MLLT10: variants seen among roughly 807,000 people sequenced by gnomAD.
MLLT10 encodes MLLT10 histone lysine methyltransferase DOT1L cofactor.
A neutral mutation model predicts 129.1 loss-of-function variants in MLLT10; 30 were observed. That is an observed-to-expected ratio of 0.23 (90% CI 0.17 to 0.32). The LOEUF (loss-of-function observed/expected upper bound fraction) is 0.32. MLLT10 is among the 10% of genes least tolerant of loss of function. The probability of loss-of-function intolerance (pLI) is 1.00; values close to 1 mark genes in which losing one functional copy is unlikely to be tolerated. For synonymous variants in MLLT10, 490 were observed against 446.4 expected, an observed-to-expected ratio of 1.10 and a Z score of -1.23; for missense variants, 1,119 against 1,268.3, an observed-to-expected ratio of 0.88 and a Z score of 1.79.
At chr10:21,562,809 G>GTGT (rs2039000595) in intron 3 of MLLT10, among the ~76,000 whole-genome samples, 1 of 76,594 alleles carries the variant, frequency 1.3e-5, no homozygotes, top group East Asian at 3.4e-4. Flanking sequence ...CATATACTTT[G>GTGT]TTTTTTTTGT....
intron 3 of MLLT10, among the ~76,000 whole-genome samples, chr10:21,542,598 G>A (rs1162765460): frequency 6.6e-6 from 1 of 152,152 alleles, no homozygotes; most frequent in Non-Finnish European, 1.5e-5. Flanking sequence ...AGATGCTGCT[G>A]GGAGCAGTGG....
At chr10:21,539,981 G>T (rs929454983) in intron 3 of MLLT10, among the ~76,000 whole-genome samples, 4 of 151,822 alleles carry the variant, frequency 2.6e-5, no homozygotes, top group East Asian at 3.9e-4. Flanking sequence ...TAGGCCGGGT[G>T]CAGTGACTCA....
rs770077568 is a variant in MLLT10, at chr10:21,721,242, T to C, written c.1879-5002T>C. ...CTATATATAACCTGTTCCTGTATGA[T>C]TGAAGTATGAAGTTTCAGATCTATC... is the stretch of plus-strand genomic sequence containing the variant. On this transcript the variant is annotated intron_variant, in intron 14 of 22. Transcript: ENST00000307729. Among the ~76,000 whole-genome samples the C allele has an allele frequency of 6.6e-4, 101 of 152,196 alleles. 1 individual carries two copies. Among genetic ancestry groups the C allele is most frequent in the Non-Finnish European group, 8.8e-5 (6 of 68,018 alleles).
intron 16 of MLLT10, among the ~76,000 whole-genome samples, chr10:21,730,484 AC>A (rs1378784419): frequency 6.6e-6 from 1 of 152,146 alleles, no homozygotes; most frequent in Non-Finnish European, 1.5e-5. Context: ...ACAGTATTAT[AC>A]TTTTTCAGGT....
Position 21,706,504 on chromosome 10 carries a change from T to C in MLLT10, c.1700-7268T>C, listed in dbSNP as rs186969284. ...ACTATTTTCACACCATATTAACCTC[T>C]AGGAAAGAATAAGTCATTCAGTCTC... On this transcript the variant is annotated intron_variant, in intron 13 of 22. Transcript: ENST00000307729. Among the ~76,000 whole-genome samples the C allele has an allele frequency of 2.0e-3, 310 of 152,318 alleles. 5 individuals carry two copies. The highest frequency in any genetic ancestry group is 9.4e-4 in the Non-Finnish European group (64 of 68,020).
chr10:21,677,375 G>A (rs554523573), intron 11 of MLLT10, among the ~76,000 whole-genome samples: 1 of 152,310 alleles, frequency 6.6e-6, no homozygotes, highest in African/African-American at 2.4e-5. Flanking sequence ...AGGAGAAAAT[G>A]TATACAGTCA....
chr10:21,605,558 G>A lies in MLLT10; in HGVS notation c.406-6790G>A, dbSNP rs553480404. 1.4e-3 allele frequency among the ~76,000 whole-genome samples: 211 copies of A among 151,968 alleles called. 1 individual carries two copies. Among genetic ancestry groups the A allele is most frequent in the South Asian group, 2.5e-3 (12 of 4,804 alleles). ...CTCCCGGGTTCAAGTGATCCTCCCC[G>A]CTCAGCCTCGCAAGCAGCAGGGACT... is the stretch of plus-strand genomic sequence containing the variant. On this transcript the variant is annotated intron_variant, in intron 5 of 22. Coordinates refer to ENST00000307729, the MANE Select transcript of MLLT10 (RefSeq NM_001195626.3).
chr10:21,677,575 A>C (rs2052312679), intron 11 of MLLT10, among the ~76,000 whole-genome samples: 1 of 152,194 alleles, frequency 6.6e-6, no homozygotes, highest in Non-Finnish European at 1.5e-5. Flanking sequence ...CTATGCAAAT[A>C]GTTGTTATAC....
At chr10:21,559,088 T>A (rs963387901) in intron 3 of MLLT10, among the ~76,000 whole-genome samples, 8 of 152,282 alleles carry the variant, frequency 5.3e-5, no homozygotes, top group Admixed American at 2.6e-4. Context: ...AGAATGGACT[T>A]CTTCTTTCTT....
Position 21,742,349 on chromosome 10 carries a change from C to A in MLLT10, c.*366C>A, listed in dbSNP as rs1359366917. 4.0e-6 allele frequency: 1 copy of A among 249,554 alleles called. No homozygotes were observed. The highest frequency in any genetic ancestry group is 7.7e-6 in the Non-Finnish European group (1 of 129,982). The allele number at this position is 249,554 out of a possible 1,614,324, so 15.5% of individuals were successfully genotyped here. A position where few individuals can be genotyped will look rare whatever the true frequency, so the allele number is the denominator to read the frequency against. Reference sequence around the variant, plus strand: ...GAGATGCAAATAGCAAAACTAAATACTTGCTCCATTTACAAACTACTTGAT... The same window carrying A: ...GAGATGCAAATAGCAAAACTAAATAATTGCTCCATTTACAAACTACTTGAT... On this transcript the variant is annotated 3_prime_UTR_variant, in exon 23 of 23. Coordinates refer to ENST00000307729, the MANE Select transcript of MLLT10 (RefSeq NM_001195626.3).
At chr10:21,597,850 T>G (rs545470441) in intron 5 of MLLT10, among the ~76,000 whole-genome samples, 36 of 152,228 alleles carry the variant, frequency 2.4e-4, no homozygotes, top group Non-Finnish European at 4.0e-4. Context: ...ACATATGTGA[T>G]TCTGTGTTCT....
chr10:21,535,082 G>GGCAGGGCGGC (rs2033640012), intron 2 of MLLT10, among the ~76,000 whole-genome samples: 1 of 147,636 alleles, frequency 6.8e-6, no homozygotes, highest in Non-Finnish European at 1.5e-5. Flanking sequence ...GGCGGGGCGG[G>GGCAGGGCGGC]GCAGGGCGGC....
At chr10:21,571,842 C>T (rs1589010156) in intron 3 of MLLT10, 2 of 152,088 alleles carry the variant, frequency 1.3e-5, no homozygotes. Context: ...AATACTGATC[C>T]TGTGTCTGAT....
At chr10:21,630,900 TG>T (rs898734092) in intron 8 of MLLT10, among the ~76,000 whole-genome samples, 3 of 152,322 alleles carry the variant, frequency 2.0e-5, no homozygotes, top group African/African-American at 7.2e-5. Context: ...CTGTGCGAGT[TG>T]TTCATACAGT....
At chr10:21,706,474 T>G (rs1194859593) in intron 13 of MLLT10, among the ~76,000 whole-genome samples, 1 of 152,238 alleles carries the variant, frequency 6.6e-6, no homozygotes, top group South Asian at 2.1e-4. Context: ...GGATTTGGAC[T>G]TTTAACTATT....
intron 22 of MLLT10, among the ~76,000 whole-genome samples, chr10:21,741,533 T>A (rs75413817): frequency 0.028 from 4,285 of 152,246 alleles, 91 homozygotes; most frequent in Middle Eastern, 0.065. Flanking sequence ...CCATTTTTTT[T>A]ATAGATTAGT....
chr10:21,689,546 AATAT>A lies in MLLT10; in HGVS notation c.1699+7304_1699+7307del, dbSNP rs370885697. On this transcript the variant is annotated intron_variant, in intron 13 of 22. Transcript: ENST00000307729. ...TGAGAATACACAGGCTGTGTAAAGTAATATATATATATATATATGTATATATATA... is the reference window on the plus strand; with the variant it reads ...TGAGAATACACAGGCTGTGTAAAGTAATATATATATATATGTATATATATA... Among the ~76,000 whole-genome samples, 62 of 108,326 alleles carry A rather than the reference AATAT, an allele frequency of 5.7e-4. 1 individual carries two copies. The highest frequency in any genetic ancestry group is 7.4e-4 in the Admixed American group (7 of 9,430). The allele number at this position is 108,326 out of a possible 152,430, so 71.1% of individuals were successfully genotyped here. A position where few individuals can be genotyped will look rare whatever the true frequency, so the allele number is the denominator to read the frequency against.
chr10:21,605,223 A>G (rs1451919839), intron 5 of MLLT10, among the ~76,000 whole-genome samples: 1 of 152,216 alleles, frequency 6.6e-6, no homozygotes, highest in Non-Finnish European at 1.5e-5. Flanking sequence ...TTCACTGGAC[A>G]AGCAAGCATT....
At chr10:21,622,929 C>G (rs574359679) in intron 8 of MLLT10, among the ~76,000 whole-genome samples, 1 of 152,182 alleles carries the variant, frequency 6.6e-6, no homozygotes, top group African/African-American at 2.4e-5. Context: ...ACAACCTTCT[C>G]CTTAGATTAG....
Sources: gnomAD v4.1 joint callset for allele counts (sites outside exome capture counted in the v4.1 genomes callset) on GRCh38, gnomAD v4.1.1 for gene constraint, MANE v1.5 for transcripts, NCBI Gene and HGNC (gene_info 2026-07-23, HGNC 2026-07-21) for gene names.